The following NAA35 variants were observed in gnomAD, a reference collection of about 807,000 sequenced individuals.
The protein encoded by NAA35 is N-alpha-acetyltransferase 35, NatC auxiliary subunit, also known as MAK10 homolog, amino-acid N-acetyltransferase subunit.
NAA35 carries 18 observed loss-of-function variants against 101.7 expected under a neutral mutation model. That is an observed-to-expected ratio of 0.18 (90% CI 0.12 to 0.26). NAA35 has a LOEUF of 0.26. Ranked by LOEUF, NAA35 falls within the 10% of genes least tolerant of loss-of-function variation. NAA35 has a pLI of 1.00. For missense variants in NAA35, 601 were observed against 886.8 expected, an observed-to-expected ratio of 0.68 and a Z score of 4.09; for synonymous variants, 267 against 273.1, an observed-to-expected ratio of 0.98 and a Z score of 0.22.
intron 15 of NAA35, among the ~76,000 whole-genome samples, chr9:86,010,591 T>G (rs1478866616): frequency 2.1e-5 from 3 of 145,418 alleles, no homozygotes; most frequent in Admixed American, 6.7e-5. Context: ...TTTTTTTTTT[T>G]TAAGACGGTG....
At chr9:85,950,038 A>C (rs976449114) in intron 2 of NAA35, among the ~76,000 whole-genome samples, 1 of 152,116 alleles carries the variant, frequency 6.6e-6, no homozygotes, top group Non-Finnish European at 1.5e-5. Context: ...ATGGCTAATG[A>C]TAATTTGAAA....
At chr9:85,955,910 T>G (rs1343289721) in intron 2 of NAA35, among the ~76,000 whole-genome samples, 1 of 152,216 alleles carries the variant, frequency 6.6e-6, no homozygotes, top group Non-Finnish European at 1.5e-5. Flanking sequence ...TCAAGTGTCT[T>G]CTACATGATT....
At chr9:86,021,001 T>A in intron 22 of NAA35, 32 bp downstream of exon 22, 2 of 1,490,832 alleles carry the variant, frequency 1.3e-6, no homozygotes, top group Non-Finnish European at 1.8e-6. Context: ...TAAGTGGTCT[T>A]AGATTATTGT....
Position 85,975,139 on chromosome 9 carries a change from C to T in NAA35, c.609C>T (p.Asp203=). 1 of 1,613,560 alleles carries T rather than the reference C, an allele frequency of 6.2e-7. No homozygotes were observed. The highest frequency in any genetic ancestry group is 2.2e-5 in the East Asian group (1 of 44,786). Reference sequence around the variant, plus strand: ...GCATGCTAAAAGATGTGGAGGATGACATGCAAAGAAGAGTAAAGGTATATA... The same window carrying T: ...GCATGCTAAAAGATGTGGAGGATGATATGCAAAGAAGAGTAAAGGTATATA... ...VTGMLKDVED[D]MQRRVKSTRS... The change falls in exon 8 of 23, where the codon GAC becomes GAT. Residue 203 remains aspartate (D), a synonymous_variant. Transcript: ENST00000361671.
chr9:85,992,040 G>A (rs2118215040), intron 11 of NAA35, among the ~76,000 whole-genome samples: 1 of 152,254 alleles, frequency 6.6e-6, no homozygotes, highest in South Asian at 2.1e-4. Context: ...CGGGTGTGGT[G>A]GCGGGCGCCT....
chr9:85,962,084 T>C lies in NAA35; in HGVS notation c.420T>C (p.Phe140=). The C allele has an allele frequency of 3.7e-6, 6 of 1,614,012 alleles. No homozygotes were observed. The South Asian group carries it at 5.5e-5, about 15-fold the overall frequency. The change falls in exon 6 of 23, where the codon TTT becomes TTC. Residue 140 remains phenylalanine, a synonymous_variant. Coordinates refer to ENST00000361671, the MANE Select transcript of NAA35 (RefSeq NM_024635.4). ...FTCLYIHNPD[F]IEDPAMKAFA... ...GCCTTTACATTCATAATCCAGACTTTATAGAAGATCCTGCTATGAAGGCTT... is the reference window on the plus strand; with the variant it reads ...GCCTTTACATTCATAATCCAGACTTCATAGAAGATCCTGCTATGAAGGCTT...
chr9:86,003,670 C>G (rs1057096986), intron 13 of NAA35, 26 bp downstream of exon 13: 1 of 1,375,412 alleles, frequency 7.3e-7, no homozygotes. Context: ...TATCAAAATA[C>G]TTATTTAAAC....
chr9:85,941,788 G>A, intron 1 of NAA35: 1 of 997,818 alleles, frequency 1.0e-6, no homozygotes, highest in African/African-American at 1.7e-5. Flanking sequence ...GTCCTGGGCT[G>A]CGAGAGGGGA....
intron 6 of NAA35, among the ~76,000 whole-genome samples, chr9:85,973,074 A>G (rs1167263495): frequency 6.6e-6 from 1 of 152,214 alleles, no homozygotes; most frequent in Non-Finnish European, 1.5e-5. Flanking sequence ...GCTGGAATAT[A>G]AGGGATGAAA....
intron 5 of NAA35, among the ~76,000 whole-genome samples, chr9:85,961,760 G>T (rs1482749022): frequency 2.0e-5 from 3 of 152,136 alleles, no homozygotes; most frequent in African/African-American, 7.2e-5. Flanking sequence ...TCTTTTGGAT[G>T]CTACATAAAG....
intron 11 of NAA35, among the ~76,000 whole-genome samples, chr9:85,992,406 C>T (rs1830958200): frequency 6.6e-6 from 1 of 151,840 alleles, no homozygotes; most frequent in African/African-American, 2.4e-5. Context: ...ATGAGTGTCC[C>T]CCCAACCCCC....
At chr9:85,975,282 T>C (rs752691972) in intron 8 of NAA35, 125 bp downstream of exon 8, 72 of 973,524 alleles carry the variant, frequency 7.4e-5, no homozygotes, top group Non-Finnish European at 1.0e-4. Flanking sequence ...TTTTTTGTAA[T>C]GAATTTGAAC....
chr9:85,974,884 G>T (rs1830145521), intron 6 of NAA35, 83 bp from the exon 7 acceptor site: 7 of 923,262 alleles, frequency 7.6e-6, no homozygotes, highest in Non-Finnish European at 1.2e-5. Flanking sequence ...TTTTGTAAGA[G>T]AAATATAAAG....
At chr9:85,948,125 T>C (rs944067260) in intron 2 of NAA35, among the ~76,000 whole-genome samples, 3 of 152,224 alleles carry the variant, frequency 2.0e-5, no homozygotes, top group Non-Finnish European at 4.4e-5. Context: ...TTGATTCCCT[T>C]CATCCCCAGT....
chr9:85,941,721 GCGAGCTCTGGCCAGATGAAGGGCTA>G (rs1828526412), intron 1 of NAA35: 5 of 986,668 alleles, frequency 5.1e-6, no homozygotes, highest in Non-Finnish European at 6.0e-6. Flanking sequence ...AGAGGTCCCA[GCGAGCTCTGGCCAGATGAAGGGCTA>G]CCTTGATTGA....
At chr9:85,955,449 A>C (rs1047284247) in intron 2 of NAA35, among the ~76,000 whole-genome samples, 1 of 137,498 alleles carries the variant, frequency 7.3e-6, no homozygotes, top group Non-Finnish European at 1.5e-5. Context: ...TGCAAGCTCC[A>C]CTTCCTTGGT....
intron 12 of NAA35, among the ~76,000 whole-genome samples, chr9:85,997,887 TTATG>T (rs1831238493): frequency 6.6e-6 from 1 of 151,974 alleles, no homozygotes; most frequent in African/African-American, 2.4e-5. Context: ...ACATATATAT[TTATG>T]TATGTGTGTG....
At chr9:86,002,447 A>G (rs1370047404) in intron 12 of NAA35, among the ~76,000 whole-genome samples, 2 of 152,162 alleles carry the variant, frequency 1.3e-5, no homozygotes, top group East Asian at 1.9e-4. Context: ...ACCCAGAAAT[A>G]TATTTTCCAA....
At chr9:85,956,272 A>G in intron 2 of NAA35, 88 bp from the exon 3 acceptor site, 1 of 752,616 alleles carries the variant, frequency 1.3e-6, no homozygotes, top group African/African-American at 1.8e-5. Flanking sequence ...ATACAAGCAC[A>G]TCTTTTCAGG....
Sources: gnomAD v4.1 joint callset for allele counts (sites outside exome capture counted in the v4.1 genomes callset) on GRCh38, gnomAD v4.1.1 for gene constraint, MANE v1.5 for transcripts, NCBI Gene and HGNC (gene_info 2026-07-23, HGNC 2026-07-21) for gene names.